ITSN1: variants seen among roughly 807,000 people sequenced by gnomAD.
The protein encoded by ITSN1 is intersectin-1.
Under a neutral mutation model 239.8 loss-of-function variants are expected in ITSN1, and 58 were observed. The ratio of observed to expected loss-of-function variants is 0.24; its 90% confidence interval spans 0.20 to 0.30. The LOEUF is 0.30. Ranked by LOEUF, ITSN1 falls within the 10% of genes least tolerant of loss-of-function variation. ITSN1 has a pLI of 1.00. For missense variants in ITSN1, 1,558 were observed against 2,103.3 expected, an observed-to-expected ratio of 0.74 and a Z score of 5.07; for synonymous variants, 780 against 770.8, an observed-to-expected ratio of 1.01 and a Z score of -0.20.
At chr21:33,869,318 A>G (rs1982300541) in intron 33 of ITSN1, among the ~76,000 whole-genome samples, 1 of 152,224 alleles carries the variant, frequency 6.6e-6, no homozygotes, top group Non-Finnish European at 1.5e-5. Context: ...CAAGAAGGAG[A>G]AGAATGGGAG....
intron 7 of ITSN1, chr21:33,754,334 T>C (rs2067771257): frequency 6.6e-6 from 1 of 152,192 alleles, no homozygotes; most frequent in African/African-American, 2.4e-5. Flanking sequence ...ATAATAGATA[T>C]AAGTGCATAG....
intron 1 of ITSN1, among the ~76,000 whole-genome samples, chr21:33,665,389 A>C (rs1334681438): frequency 6.6e-6 from 1 of 152,240 alleles, no homozygotes; most frequent in East Asian, 1.9e-4. Context: ...ATAGATGCTC[A>C]AAATTGTTAG....
intron 1 of ITSN1, among the ~76,000 whole-genome samples, chr21:33,684,618 G>T (rs1221049411): frequency 6.6e-6 from 1 of 151,906 alleles, no homozygotes; most frequent in Non-Finnish European, 1.5e-5. Flanking sequence ...CAGAAAGAGG[G>T]TCTCTTATTA....
rs577674365 is a variant in ITSN1, at chr21:33,757,305, TATA to T, written c.724+1911_724+1913del. On this transcript the variant is annotated intron_variant, in intron 8 of 39. Transcript: ENST00000381318. ...TGAAATGCAGTATCTACATTCCAAA[TATA>T]ATGACCCAGGCACTTGAGCATTTAG... 3.1e-3 allele frequency among the ~76,000 whole-genome samples: 478 copies of T among 152,306 alleles called. 2 individuals are homozygous for T. Among genetic ancestry groups the T allele is most frequent in the Non-Finnish European group, 5.6e-3 (379 of 68,034 alleles).
At chr21:33,694,092 C>T (rs980560842) in intron 1 of ITSN1, among the ~76,000 whole-genome samples, 1 of 152,238 alleles carries the variant, frequency 6.6e-6, no homozygotes, top group African/African-American at 2.4e-5. Flanking sequence ...TAGCTCACTG[C>T]AGCCTCCAAT....
intron 1 of ITSN1, among the ~76,000 whole-genome samples, chr21:33,678,994 A>G (rs2090766711): frequency 6.6e-6 from 1 of 152,234 alleles, no homozygotes; most frequent in Non-Finnish European, 1.5e-5. Context: ...ACCTGAAGGC[A>G]TAAGCATGAA....
Position 33,698,200 on chromosome 21 carries a change from G to A in ITSN1, c.-32-20597G>A, listed in dbSNP as rs2091877748. On this transcript the variant is annotated intron_variant, in intron 1 of 39. Transcript: ENST00000381318. ...GCTAGATACCCTGACATTTCTCTTT[G>A]TGGAAAGTAAGCAGGAGTAAAGGGA... Among the ~76,000 whole-genome samples the A allele has an allele frequency of 2.0e-5, 3 of 152,300 alleles. 1 individual carries two copies.
intron 1 of ITSN1, among the ~76,000 whole-genome samples, chr21:33,711,525 G>A (rs1232511372): frequency 2.0e-5 from 3 of 151,074 alleles, no homozygotes; most frequent in Admixed American, 2.0e-4. Context: ...TCCTATTACT[G>A]GTTTTGTTTG....
At chr21:33,842,403 A>G (rs552930198) in intron 29 of ITSN1, among the ~76,000 whole-genome samples, 5 of 152,346 alleles carry the variant, frequency 3.3e-5, no homozygotes, top group African/African-American at 1.2e-4. Flanking sequence ...AGCATCAGCT[A>G]TAAGATATAT....
chr21:33,798,621 A>G (rs770200540), intron 18 of ITSN1, among the ~76,000 whole-genome samples: 7 of 152,190 alleles, frequency 4.6e-5, no homozygotes, highest in Non-Finnish European at 8.8e-5. Context: ...GGTAAATTAT[A>G]CCAGTTTTGC....
intron 25 of ITSN1, among the ~76,000 whole-genome samples, chr21:33,824,867 G>A (rs573416018): frequency 1.4e-4 from 22 of 152,298 alleles, no homozygotes; most frequent in African/African-American, 5.1e-4. Context: ...GCCCACCCTT[G>A]GAGAATCTGG....
chr21:33,693,428 C>T (rs1178746922), intron 1 of ITSN1, among the ~76,000 whole-genome samples: 1 of 150,546 alleles, frequency 6.6e-6, no homozygotes, highest in African/African-American at 2.5e-5. Context: ...GTGATCTCGG[C>T]TCACTGCAAC....
intron 30 of ITSN1, among the ~76,000 whole-genome samples, chr21:33,858,338 C>G (rs1477901312): frequency 1.3e-5 from 2 of 152,242 alleles, no homozygotes; most frequent in African/African-American, 2.4e-5. Flanking sequence ...CTTTTCACAC[C>G]GGTCCAGCCC....
intron 1 of ITSN1, among the ~76,000 whole-genome samples, chr21:33,666,837 C>T (rs900841402): frequency 2.6e-5 from 4 of 152,150 alleles, no homozygotes; most frequent in African/African-American, 9.7e-5. Context: ...GGGCTTTGCT[C>T]TGTCCCCAGC....
At chr21:33,828,070 C>T (rs2834269) in intron 26 of ITSN1, among the ~76,000 whole-genome samples, 112,705 of 152,228 alleles carry the variant, frequency 0.74, 41,980 homozygotes, top group East Asian at 0.99. Flanking sequence ...GTTTTGTACA[C>T]TTGTCATTCC....
At position 33,713,899 on chromosome 21, in the gene ITSN1, A is replaced by G. The variant is rs575103079; in HGVS notation, c.-32-4898A>G. Among the ~76,000 whole-genome samples, 55 of 124,158 alleles carry G rather than the reference A, an allele frequency of 4.4e-4. 1 individual carries two copies. Among genetic ancestry groups the G allele is most frequent in the African/African-American group, 1.7e-3 (52 of 31,332 alleles). The allele number at this position is 124,158 out of a possible 152,430, so 81.5% of individuals were successfully genotyped here. A position where few individuals can be genotyped will look rare whatever the true frequency, so the allele number is the denominator to read the frequency against. On this transcript the variant is annotated intron_variant, in intron 1 of 39. Transcript: ENST00000381318. Reference sequence around the variant, plus strand: ...ACCCAAGCTGGAGTGCAGTGGCGCTATCTCGGCTCACTGCAACCTCCGGCT... The same window carrying G: ...ACCCAAGCTGGAGTGCAGTGGCGCTGTCTCGGCTCACTGCAACCTCCGGCT...
chr21:33,855,940 C>T (rs1169378858), intron 29 of ITSN1, among the ~76,000 whole-genome samples: 1 of 152,220 alleles, frequency 6.6e-6, no homozygotes, highest in Non-Finnish European at 1.5e-5. Context: ...CCTCATCCTC[C>T]ACAAACCAAC....
intron 20 of ITSN1, among the ~76,000 whole-genome samples, chr21:33,808,166 C>T (rs1017856521): frequency 6.6e-6 from 1 of 151,034 alleles, no homozygotes; most frequent in Non-Finnish European, 1.5e-5. Context: ...CGCAGTCCCA[C>T]CTGGGCGACA....
At chr21:33,832,078 C>G (rs1222779188) in intron 27 of ITSN1, among the ~76,000 whole-genome samples, 14 of 152,194 alleles carry the variant, frequency 9.2e-5, no homozygotes, top group Non-Finnish European at 1.5e-5. Flanking sequence ...CGGGGCCCCT[C>G]TCCCCGGTGC....
Sources: allele counts gnomAD v4.1 joint callset (sites outside exome capture counted in the v4.1 genomes callset), GRCh38; gene constraint gnomAD v4.1.1; transcripts MANE v1.5; gene names NCBI Gene and HGNC (gene_info 2026-07-23, HGNC 2026-07-21).